ANKRD12: variants seen among roughly 807,000 people sequenced by gnomAD.
ANKRD12 encodes ankyrin repeat domain-containing protein 12.
Under a neutral mutation model 183.4 loss-of-function variants are expected in ANKRD12, and 85 were observed. The observed-to-expected ratio is 0.46, with a 90% confidence interval of 0.39 to 0.56. The LOEUF is 0.56. ANKRD12 is among the 20% of genes least tolerant of loss of function. The probability of loss-of-function intolerance (pLI) is 0.00; values close to 1 mark genes in which losing one functional copy is unlikely to be tolerated. For synonymous variants in ANKRD12, 914 were observed against 800.2 expected (o/e 1.14, Z -2.40); for missense variants, 2,405 against 2,357.1 (o/e 1.02, Z -0.42).
In ANKRD12 at chr18:9,262,481, A is replaced by T. The variant is rs184855619; in HGVS notation, c.5665-1309A>T. Among the ~76,000 whole-genome samples the T allele has an allele frequency of 3.9e-3, 599 of 152,272 alleles. 6 individuals are homozygous for T. The highest frequency in any genetic ancestry group is 6.0e-3 in the Non-Finnish European group (405 of 68,022). On this transcript the variant is annotated intron_variant, in intron 9 of 12. Transcript: ENST00000262126. ...TTTAGTTTTGTTTTTAACTTAAGAG[A>T]CAGGGCCTCCCTGTGTTGCCCAGGC...
At chr18:9,158,916 G>C (rs1445543982) in intron 1 of ANKRD12, among the ~76,000 whole-genome samples, 2 of 152,092 alleles carry the variant, frequency 1.3e-5, no homozygotes, top group Non-Finnish European at 2.9e-5. Flanking sequence ...TTGATACCTT[G>C]GGTTATAATC....
chr18:9,253,947 T>G (rs1323400917), intron 8 of ANKRD12, among the ~76,000 whole-genome samples: 3 of 152,198 alleles, frequency 2.0e-5, no homozygotes, highest in Non-Finnish European at 4.4e-5. Context: ...TTATACTATA[T>G]ATTGTGATTT....
At chr18:9,240,065 A>G (rs557400016) in intron 8 of ANKRD12, among the ~76,000 whole-genome samples, 5 of 152,306 alleles carry the variant, frequency 3.3e-5, no homozygotes, top group African/African-American at 1.2e-4. Flanking sequence ...TAAAATAAGT[A>G]GTGTGCTTTG....
chr18:9,265,058 G>T (rs1028576352), intron 10 of ANKRD12, among the ~76,000 whole-genome samples: 1 of 151,930 alleles, frequency 6.6e-6, no homozygotes, highest in Non-Finnish European at 1.5e-5. Flanking sequence ...CAAACCGCAA[G>T]GCGGGAGCGA....
chr18:9,179,127 T>A (rs189715493), intron 1 of ANKRD12, among the ~76,000 whole-genome samples: 27 of 152,334 alleles, frequency 1.8e-4, no homozygotes, highest in Admixed American at 5.9e-4. Flanking sequence ...GACCATGTAT[T>A]CTATGTCCTT....
intron 9 of ANKRD12, among the ~76,000 whole-genome samples, chr18:9,262,934 G>C (rs926615312): frequency 1.3e-5 from 2 of 151,098 alleles, no homozygotes; most frequent in African/African-American, 2.4e-5. Context: ...GAGAAGTTAG[G>C]ATTACAGGCA....
At chr18:9,261,780 C>G (rs1395421974) in intron 9 of ANKRD12, among the ~76,000 whole-genome samples, 1 of 152,140 alleles carries the variant, frequency 6.6e-6, no homozygotes, top group African/African-American at 2.4e-5. Flanking sequence ...CCACATGATT[C>G]GTTTCACTAA....
intron 9 of ANKRD12, among the ~76,000 whole-genome samples, chr18:9,263,510 A>G (rs905544691): frequency 6.6e-6 from 1 of 152,094 alleles, no homozygotes. Context: ...GTGAGCTGTC[A>G]CTTACTGATG....
intron 6 of ANKRD12, among the ~76,000 whole-genome samples, chr18:9,215,369 G>T (rs975613827): frequency 1.3e-5 from 2 of 152,016 alleles, no homozygotes; most frequent in African/African-American, 4.8e-5. Context: ...ATAACAAGAA[G>T]GCCTGGACAA....
At chr18:9,227,695 A>AT (rs2036802953) in intron 8 of ANKRD12, among the ~76,000 whole-genome samples, 2 of 152,162 alleles carry the variant, frequency 1.3e-5, no homozygotes, top group African/African-American at 4.8e-5. Flanking sequence ...CTATATAATC[A>AT]TTTGCATATT....
intron 8 of ANKRD12, among the ~76,000 whole-genome samples, chr18:9,251,039 A>G (rs376599059): frequency 6.6e-6 from 1 of 151,864 alleles, no homozygotes; most frequent in East Asian, 1.9e-4. Context: ...ATTATCACCT[A>G]CTCCTGAAAT....
intron 1 of ANKRD12, among the ~76,000 whole-genome samples, chr18:9,180,720 T>C (rs2033640268): frequency 6.6e-6 from 1 of 152,232 alleles, no homozygotes; most frequent in African/African-American, 2.4e-5. Flanking sequence ...CCAATTGTGA[T>C]TTTTATTGTT....
intron 9 of ANKRD12, among the ~76,000 whole-genome samples, chr18:9,262,154 CTG>C (rs2039007868): frequency 6.6e-6 from 1 of 152,164 alleles, no homozygotes; most frequent in African/African-American, 2.4e-5. Flanking sequence ...ATTATAGAGT[CTG>C]TAGAGCCAGG....
chr18:9,156,671 A>G (rs2030508767), intron 1 of ANKRD12, among the ~76,000 whole-genome samples: 1 of 152,262 alleles, frequency 6.6e-6, no homozygotes, highest in African/African-American at 2.4e-5. Flanking sequence ...TTGTTTACCC[A>G]TGTTTATAGC....
chr18:9,209,742 T>A (rs560252941), intron 5 of ANKRD12, among the ~76,000 whole-genome samples: 2 of 152,340 alleles, frequency 1.3e-5, no homozygotes, highest in African/African-American at 4.8e-5. Flanking sequence ...GTAAAAACTT[T>A]GACTGTTTCT....
At chr18:9,157,603 A>ATATGT (rs1356730824) in intron 1 of ANKRD12, among the ~76,000 whole-genome samples, 1 of 84,642 alleles carries the variant, frequency 1.2e-5, no homozygotes, top group Admixed American at 1.5e-4. Context: ...ATATATATGT[A>ATATGT]TTTTTTTTTT....
chr18:9,165,026 G>A, intron 1 of ANKRD12, among the ~76,000 whole-genome samples: 1 of 152,096 alleles, frequency 6.6e-6, no homozygotes, highest in Non-Finnish European at 1.5e-5. Context: ...TATTATGTGT[G>A]AGTCTAAGTC....
chr18:9,229,846 C>T (rs1378618838), intron 8 of ANKRD12, among the ~76,000 whole-genome samples: 9 of 152,046 alleles, frequency 5.9e-5, no homozygotes, highest in Non-Finnish European at 1.3e-4. Context: ...ATTATCTTTT[C>T]GATGTGCCAT....
At chr18:9,206,483 C>T (rs1342392068) in intron 4 of ANKRD12, among the ~76,000 whole-genome samples, 1 of 151,962 alleles carries the variant, frequency 6.6e-6, no homozygotes, top group Non-Finnish European at 1.5e-5. Context: ...AACTTGAAAA[C>T]GCATACTTTG....
Sources: allele counts gnomAD v4.1 joint callset (sites outside exome capture counted in the v4.1 genomes callset), GRCh38; gene constraint gnomAD v4.1.1; transcripts MANE v1.5; gene names NCBI Gene and HGNC (gene_info 2026-07-23, HGNC 2026-07-21).